The following CTNNA2 variants were observed in gnomAD, a reference collection of about 807,000 sequenced individuals.
CTNNA2 encodes catenin alpha-2.
In CTNNA2, 42 loss-of-function variants were observed where a neutral mutation model predicts 101.0. That is an observed-to-expected ratio of 0.42 (90% confidence interval 0.32 to 0.54). CTNNA2 has a LOEUF of 0.54. Among genes scored for constraint, CTNNA2 ranks in the 20% least tolerant of loss-of-function variants. The probability of loss-of-function intolerance (pLI) is 0.14; values close to 1 mark genes in which losing one functional copy is unlikely to be tolerated. For missense variants in CTNNA2, 871 were observed against 1,223.1 expected (o/e 0.71, Z 4.29); for synonymous variants, 450 against 456.4 (o/e 0.99, Z 0.18).
At position 80,179,669 on chromosome 2, in the gene CTNNA2, G is replaced by A. The variant is rs571885064; in HGVS notation, c.1057-213542G>A. 7.6e-4 allele frequency among the ~76,000 whole-genome samples: 115 copies of A among 152,248 alleles called. 1 individual carries two copies. Among genetic ancestry groups the A allele is most frequent in the Admixed American group, 6.4e-3 (98 of 15,290 alleles). On this transcript the variant is annotated intron_variant, in intron 7 of 18. Transcript: ENST00000402739. ...ATTACAGGTGTGAGCCACTGTGCCC[G>A]GCCAAGAATCACCACCTTTGCATAT...
intron 7 of CTNNA2, among the ~76,000 whole-genome samples, chr2:80,346,327 A>G (rs1672732367): frequency 6.6e-6 from 1 of 151,926 alleles, no homozygotes; most frequent in Non-Finnish European, 1.5e-5. Flanking sequence ...TACTCATGGT[A>G]GAAGGTGAAG....
intron 7 of CTNNA2, among the ~76,000 whole-genome samples, chr2:80,217,039 C>T (rs867166263): frequency 1.7e-4 from 26 of 151,924 alleles, no homozygotes; most frequent in African/African-American, 6.0e-4. Flanking sequence ...ACCATGTTGG[C>T]CAGGCTGGTC....
At chr2:79,918,520 G>C (rs773080683) in intron 7 of CTNNA2, among the ~76,000 whole-genome samples, 17 of 152,144 alleles carry the variant, frequency 1.1e-4, no homozygotes, top group Non-Finnish European at 1.8e-4. Context: ...TCCATACAGA[G>C]AGTAAAAATG....
chr2:79,206,594 T>G (rs902784913), intron 2 of CTNNA2, among the ~76,000 whole-genome samples: 5 of 152,176 alleles, frequency 3.3e-5, no homozygotes, highest in African/African-American at 1.2e-4. Context: ...CTTCTTTGTG[T>G]AGCAACTTTG....
intron 12 of CTNNA2, among the ~76,000 whole-genome samples, chr2:80,562,222 G>A (rs11674714): frequency 0.21 from 31,857 of 151,296 alleles, 3,488 homozygotes; most frequent in Middle Eastern, 0.26. Flanking sequence ...CCTATACACT[G>A]GTGTGTTTGT....
At chr2:79,321,330 A>T (rs1676618745) in intron 3 of CTNNA2, among the ~76,000 whole-genome samples, 1 of 152,196 alleles carries the variant, frequency 6.6e-6, no homozygotes, top group Non-Finnish European at 1.5e-5. Flanking sequence ...CATTGGCTCC[A>T]AATGCAAGAA....
intron 7 of CTNNA2, among the ~76,000 whole-genome samples, chr2:79,962,854 G>A (rs1689743289): frequency 6.6e-6 from 1 of 152,028 alleles, no homozygotes; most frequent in Admixed American, 6.6e-5. Context: ...GGCGGATCAC[G>A]AGGTCAGGAG....
At chr2:79,560,934 A>T (rs964108574) in intron 1 of CTNNA2, among the ~76,000 whole-genome samples, 3 of 151,936 alleles carry the variant, frequency 2.0e-5, no homozygotes, top group Non-Finnish European at 4.4e-5. Flanking sequence ...TTTAATTGAA[A>T]TATAATTAAC....
At chr2:79,471,777 G>T (rs1447518672) in intron 4 of CTNNA2, among the ~76,000 whole-genome samples, 2 of 152,234 alleles carry the variant, frequency 1.3e-5, no homozygotes, top group Non-Finnish European at 2.9e-5. Context: ...GGCGGAGCTT[G>T]CAGTGAGCTG....
chr2:80,213,356 T>G (rs1708031912), intron 7 of CTNNA2, among the ~76,000 whole-genome samples: 1 of 152,200 alleles, frequency 6.6e-6, no homozygotes, highest in Non-Finnish European at 1.5e-5. Flanking sequence ...CATTTAGTGC[T>G]ATAAATTTCC....
chr2:79,550,094 G>T (rs553329543), intron 1 of CTNNA2, among the ~76,000 whole-genome samples: 97 of 150,960 alleles, frequency 6.4e-4, no homozygotes, highest in African/African-American at 2.2e-3. Flanking sequence ...AGGTGAGGGA[G>T]GGGGCACAAT....
intron 4 of CTNNA2, among the ~76,000 whole-genome samples, chr2:79,865,880 T>C (rs925027837): frequency 1.3e-5 from 2 of 152,152 alleles, no homozygotes; most frequent in Non-Finnish European, 2.9e-5. Context: ...CCACCACGCC[T>C]GGCTAATTTT....
At chr2:80,299,832 C>T (rs1456593479) in intron 7 of CTNNA2, 1 of 152,152 alleles carries the variant, frequency 6.6e-6, no homozygotes, top group African/African-American at 2.4e-5. Context: ...GAAAGCTTTC[C>T]CTGTAAGCAC....
At chr2:79,258,012 G>A (rs1449848119) in intron 2 of CTNNA2, among the ~76,000 whole-genome samples, 1 of 151,968 alleles carries the variant, frequency 6.6e-6, no homozygotes, top group African/African-American at 2.4e-5. Context: ...TCTTCACATG[G>A]CCATCTTCTT....
chr2:80,408,714 G>T (rs909561851), intron 8 of CTNNA2, among the ~76,000 whole-genome samples: 3 of 152,178 alleles, frequency 2.0e-5, no homozygotes, highest in African/African-American at 7.2e-5. Context: ...ATAAGGCTGG[G>T]AGTAAGTAAT....
intron 2 of CTNNA2, among the ~76,000 whole-genome samples, chr2:79,299,217 C>T (rs1676050766): frequency 6.6e-6 from 1 of 152,040 alleles, no homozygotes; most frequent in Admixed American, 6.6e-5. Flanking sequence ...GTCCTGACAG[C>T]CCACCAGCTC....
At chr2:80,552,362 A>C (rs1692640712) in intron 11 of CTNNA2, among the ~76,000 whole-genome samples, 1 of 152,234 alleles carries the variant, frequency 6.6e-6, no homozygotes, top group Non-Finnish European at 1.5e-5. Context: ...TCTGTGATAC[A>C]CAATAAAACA....
chr2:79,330,488 C>T (rs1676846726), intron 3 of CTNNA2, among the ~76,000 whole-genome samples: 2 of 152,234 alleles, frequency 1.3e-5, no homozygotes, highest in Admixed American at 1.3e-4. Flanking sequence ...CCTCAGCAGC[C>T]TTGAAGCAAC....
chr2:79,255,250 C>T (rs1332361238), intron 2 of CTNNA2, among the ~76,000 whole-genome samples: 1 of 152,138 alleles, frequency 6.6e-6, no homozygotes, highest in East Asian at 1.9e-4. Context: ...TTCAGCTAAG[C>T]ATCATCATCT....
Sources: allele counts gnomAD v4.1 joint callset (sites outside exome capture counted in the v4.1 genomes callset), GRCh38; gene constraint gnomAD v4.1.1; transcripts MANE v1.5; gene names NCBI Gene and HGNC (gene_info 2026-07-23, HGNC 2026-07-21).